Variants in SLC8A1 observed in about 807,000 individuals in gnomAD.
SLC8A1 encodes the protein solute carrier family 8 member A1.
A neutral mutation model predicts 68.3 loss-of-function variants in SLC8A1; 18 were observed. The ratio of observed to expected loss-of-function variants is 0.26; its 90% CI spans 0.18 to 0.39. SLC8A1 has a LOEUF of 0.39. Ranked by LOEUF, SLC8A1 falls within the 10% of genes least tolerant of loss-of-function variation. The probability of loss-of-function intolerance (pLI) is 1.00; values close to 1 mark genes in which losing one functional copy is unlikely to be tolerated. For synonymous variants in SLC8A1, 475 were observed against 415.5 expected, an observed-to-expected ratio of 1.14 and a Z score of -1.74; for missense variants, 985 against 1,156.7, an observed-to-expected ratio of 0.85 and a Z score of 2.15.
intron 2 of SLC8A1, among the ~76,000 whole-genome samples, chr2:40,345,243 C>T (rs561225853): frequency 6.6e-6 from 1 of 152,052 alleles, no homozygotes; most frequent in African/African-American, 2.4e-5. Flanking sequence ...CACTAGGGGC[C>T]CTGCTGCTCC....
At chr2:40,235,886 C>T (rs1207506467) in intron 2 of SLC8A1, among the ~76,000 whole-genome samples, 1 of 151,602 alleles carries the variant, frequency 6.6e-6, no homozygotes, top group African/African-American at 2.4e-5. Context: ...GCAGGTTGTT[C>T]AGTTTCCATG....
chr2:40,508,613 A>T (rs773400381), intron 1 of SLC8A1, among the ~76,000 whole-genome samples: 1 of 152,172 alleles, frequency 6.6e-6, no homozygotes, highest in Admixed American at 6.6e-5. Context: ...TATCAAATAG[A>T]CACATATCAA....
intron 2 of SLC8A1, among the ~76,000 whole-genome samples, chr2:40,211,871 G>A (rs183226204): frequency 6.6e-4 from 100 of 152,268 alleles, no homozygotes; most frequent in Admixed American, 1.0e-3. Context: ...GATGTGAACA[G>A]TGAAGTGATG....
At chr2:40,186,034 C>T (rs1366066542) in intron 2 of SLC8A1, among the ~76,000 whole-genome samples, 2 of 152,178 alleles carry the variant, frequency 1.3e-5, no homozygotes, top group Admixed American at 1.3e-4. Context: ...GGATCAAGGA[C>T]TAAGTTGTAC....
chr2:40,361,854 G>T (rs1348446628), intron 2 of SLC8A1, among the ~76,000 whole-genome samples: 2 of 139,534 alleles, frequency 1.4e-5, no homozygotes, highest in African/African-American at 5.4e-5. Flanking sequence ...TAATAATTAT[G>T]CTAGATAGTC....
At chr2:40,108,580 T>A (rs1445997467) in exon 8 of SLC8A1, 1 of 152,180 alleles carries the variant, frequency 6.6e-6, no homozygotes, top group African/African-American at 2.4e-5. Context: ...TTCCTTGGAG[T>A]ATTTCTCAAA....
At chr2:40,320,038 G>T (rs1212259017) in intron 2 of SLC8A1, among the ~76,000 whole-genome samples, 2 of 152,014 alleles carry the variant, frequency 1.3e-5, no homozygotes, top group Non-Finnish European at 2.9e-5. Flanking sequence ...AATGCCAAGG[G>T]CACAACAATT....
At chr2:40,249,748 T>A (rs537005976) in intron 2 of SLC8A1, among the ~76,000 whole-genome samples, 5 of 152,320 alleles carry the variant, frequency 3.3e-5, no homozygotes, top group African/African-American at 9.6e-5. Context: ...ACTTAAATAC[T>A]GAGAGGACTG....
At chr2:40,379,677 T>C (rs1480005372) in intron 2 of SLC8A1, among the ~76,000 whole-genome samples, 1 of 152,016 alleles carries the variant, frequency 6.6e-6, no homozygotes, top group Non-Finnish European at 1.5e-5. Flanking sequence ...ATGTGTCTGT[T>C]TACCGCATCA....
intron 2 of SLC8A1, among the ~76,000 whole-genome samples, chr2:40,347,857 C>G (rs569934178): frequency 8.5e-5 from 13 of 152,186 alleles, no homozygotes; most frequent in Non-Finnish European, 1.6e-4. Flanking sequence ...TTGAAATCAA[C>G]CATATAATTA....
At chr2:40,234,524 A>AT (rs1574459945) in intron 2 of SLC8A1, among the ~76,000 whole-genome samples, 1 of 152,304 alleles carries the variant, frequency 6.6e-6, no homozygotes, top group African/African-American at 2.4e-5. Flanking sequence ...TTTTCTAGAT[A>AT]TACAATCATG....
chr2:40,240,459 A>G (rs557565492), intron 2 of SLC8A1, among the ~76,000 whole-genome samples: 3 of 152,254 alleles, frequency 2.0e-5, no homozygotes, highest in African/African-American at 7.2e-5. Context: ...CATTATTTGG[A>G]TTGGTTAAGA....
intron 7 of SLC8A1, among the ~76,000 whole-genome samples, chr2:40,119,619 G>T (rs2036318346): frequency 6.6e-6 from 1 of 152,032 alleles, no homozygotes; most frequent in African/African-American, 2.4e-5. Flanking sequence ...GGTTTGAAGG[G>T]GATATAATAA....
At chr2:40,211,759 A>G (rs1228033005) in intron 2 of SLC8A1, among the ~76,000 whole-genome samples, 3 of 152,228 alleles carry the variant, frequency 2.0e-5, no homozygotes, top group African/African-American at 7.2e-5. Flanking sequence ...GATTCAGCAA[A>G]GAGGTAGATG....
At chr2:40,387,936 C>CAAAAAAAA (rs57394425) in intron 2 of SLC8A1, among the ~76,000 whole-genome samples, 1 of 90,942 alleles carries the variant, frequency 1.1e-5, no homozygotes, top group Non-Finnish European at 2.1e-5. Context: ...GAGACTGCCT[C>CAAAAAAAA]AAAAAAAAAA....
chr2:40,481,483 A>T (rs1704623806), intron 1 of SLC8A1, among the ~76,000 whole-genome samples: 1 of 152,128 alleles, frequency 6.6e-6, no homozygotes, highest in South Asian at 2.1e-4. Flanking sequence ...CACTTTTCTT[A>T]CAGAACTGTT....
At chr2:40,353,360 A>G (rs1199293693) in intron 2 of SLC8A1, among the ~76,000 whole-genome samples, 1 of 152,038 alleles carries the variant, frequency 6.6e-6, no homozygotes, top group East Asian at 1.9e-4. Context: ...ACCCTTCTCC[A>G]TCGTTCAACC....
At chr2:40,206,993 T>C (rs2148746950) in intron 2 of SLC8A1, among the ~76,000 whole-genome samples, 1 of 152,132 alleles carries the variant, frequency 6.6e-6, no homozygotes, top group African/African-American at 2.4e-5. Flanking sequence ...TCTTAACTAA[T>C]TTACTTCAAA....
chr2:40,419,816 A>G (rs1694978354), intron 2 of SLC8A1, among the ~76,000 whole-genome samples: 1 of 152,124 alleles, frequency 6.6e-6, no homozygotes, highest in Non-Finnish European at 1.5e-5. Context: ...TGTGTGTGTA[A>G]GACAAATGTT....
Sources: allele counts gnomAD v4.1 joint callset (sites outside exome capture counted in the v4.1 genomes callset), GRCh38; gene constraint gnomAD v4.1.1; transcripts MANE v1.5; gene names NCBI Gene and HGNC (gene_info 2026-07-23, HGNC 2026-07-21).